ARHGEF28: variants seen among roughly 807,000 people sequenced by gnomAD.
ARHGEF28 encodes 190 kDa guanine nucleotide exchange factor.
ARHGEF28 carries 152 observed loss-of-function variants against 206.6 expected under a neutral mutation model. That is an observed-to-expected ratio of 0.74 (90% CI 0.64 to 0.84). The LOEUF (loss-of-function observed/expected upper bound fraction) is 0.84. Ranked by LOEUF, ARHGEF28 falls within the 40% of genes least tolerant of loss-of-function variation. ARHGEF28 has a pLI of 0.00. For missense variants in ARHGEF28, 2,028 were observed against 2,073.2 expected, an observed-to-expected ratio of 0.98 and a Z score of 0.42; for synonymous variants, 763 against 776.4, an observed-to-expected ratio of 0.98 and a Z score of 0.29.
Position 73,777,222 on chromosome 5 carries a change from G to C in ARHGEF28, c.840+526G>C, listed in dbSNP as rs1372996938. 4.0e-5 allele frequency among the ~76,000 whole-genome samples: 6 copies of C among 151,824 alleles called. No homozygotes were observed. In the East Asian group the frequency reaches 1.2e-3, roughly 29 times the overall value. On this transcript the variant is annotated intron_variant, in intron 6 of 35. Transcript: ENST00000513042. ...TGCTATCATAGCATGCCAGTCTCAG[G>C]GTTTAAAACATTTCAACTTTATCTC... is the stretch of plus-strand genomic sequence containing the variant.
intron 9 of ARHGEF28, among the ~76,000 whole-genome samples, chr5:73,795,875 G>A (rs921735203): frequency 9.8e-5 from 15 of 152,322 alleles, no homozygotes; most frequent in Non-Finnish European, 1.9e-4. Context: ...CTGAGCTCAG[G>A]AAAAGACCAG....
At chr5:73,831,873 T>A (rs1195758051) in intron 9 of ARHGEF28, among the ~76,000 whole-genome samples, 1 of 152,154 alleles carries the variant, frequency 6.6e-6, no homozygotes, top group African/African-American at 2.4e-5. Flanking sequence ...GTATTTTTAG[T>A]AGAGATGGGG....
intron 35 of ARHGEF28, among the ~76,000 whole-genome samples, chr5:73,938,704 T>C (rs973600723): frequency 2.6e-5 from 4 of 152,158 alleles, no homozygotes; most frequent in Admixed American, 2.0e-4. Context: ...ATAGCTTCAG[T>C]CTATGGCTGG....
intron 9 of ARHGEF28, among the ~76,000 whole-genome samples, chr5:73,797,212 T>C (rs1296458748): frequency 6.6e-6 from 1 of 152,204 alleles, no homozygotes; most frequent in Non-Finnish European, 1.5e-5. Flanking sequence ...TCTTTTTGGT[T>C]CATTTAAACT....
At chr5:73,646,525 A>T (rs936200983) in intron 1 of ARHGEF28, among the ~76,000 whole-genome samples, 1 of 152,146 alleles carries the variant, frequency 6.6e-6, no homozygotes, top group Non-Finnish European at 1.5e-5. Context: ...CTCCAAGCTC[A>T]TGCTCCTGTC....
At chr5:73,878,951 C>A (rs1482691321) in intron 22 of ARHGEF28, among the ~76,000 whole-genome samples, 1 of 152,022 alleles carries the variant, frequency 6.6e-6, no homozygotes, top group Non-Finnish European at 1.5e-5. Context: ...CTCTGTATTT[C>A]CTGAATCTCA....
At chr5:73,758,330 ACACT>A (rs1752422183) in intron 4 of ARHGEF28, among the ~76,000 whole-genome samples, 1 of 152,246 alleles carries the variant, frequency 6.6e-6, no homozygotes, top group Non-Finnish European at 1.5e-5. Flanking sequence ...ACATATGTTT[ACACT>A]TACAAACTAA....
At chr5:73,836,373 T>C (rs1757639584) in intron 10 of ARHGEF28, among the ~76,000 whole-genome samples, 2 of 151,440 alleles carry the variant, frequency 1.3e-5, no homozygotes, top group Non-Finnish European at 2.9e-5. Context: ...CTCATTGTAG[T>C]TTTGTTCATT....
At chr5:73,862,599 A>G (rs1403237523) in intron 16 of ARHGEF28, among the ~76,000 whole-genome samples, 1 of 152,162 alleles carries the variant, frequency 6.6e-6, no homozygotes, top group Non-Finnish European at 1.5e-5. Flanking sequence ...TTTAATGTCA[A>G]CTAATAGTAG....
At chr5:73,651,335 G>A (rs1026553940) in intron 1 of ARHGEF28, among the ~76,000 whole-genome samples, 1 of 152,156 alleles carries the variant, frequency 6.6e-6, no homozygotes, top group African/African-American at 2.4e-5. Context: ...ATGGATTGTT[G>A]TGCAGAATAC....
At chr5:73,649,019 G>T (rs1427194815) in intron 1 of ARHGEF28, among the ~76,000 whole-genome samples, 1 of 152,188 alleles carries the variant, frequency 6.6e-6, no homozygotes, top group East Asian at 1.9e-4. Context: ...GTGTGTATGT[G>T]CCAGGTTCTT....
chr5:73,936,847 C>T (rs558498203), intron 35 of ARHGEF28, among the ~76,000 whole-genome samples: 67 of 152,256 alleles, frequency 4.4e-4, no homozygotes, highest in African/African-American at 1.5e-3. Context: ...AGATTACAGG[C>T]GTGAACTACC....
chr5:73,819,465 G>A (rs1199245802), intron 9 of ARHGEF28, among the ~76,000 whole-genome samples: 2 of 152,220 alleles, frequency 1.3e-5, no homozygotes, highest in Non-Finnish European at 2.9e-5. Context: ...TTTAAGCATA[G>A]CCAATCGGAA....
rs539896676 is a variant in ARHGEF28, at chr5:73,669,140, A to G, written c.-11-15701A>G. Among the ~76,000 whole-genome samples the G allele has an allele frequency of 3.2e-4, 48 of 152,336 alleles. No individual in the cohort carries two copies. In the East Asian group the frequency reaches 8.5e-3, roughly 27 times the overall value. ...GTGTGAATTTTTTAATATATTTTAA[A>G]AATTCCAATTCATTCTTAAAGGATA... On this transcript the variant is annotated intron_variant, in intron 1 of 35. Coordinates refer to ENST00000513042, the MANE Select transcript of ARHGEF28 (RefSeq NM_001177693.2).
chr5:73,630,135 A>G (rs1320649571), intron 1 of ARHGEF28, among the ~76,000 whole-genome samples: 2 of 152,252 alleles, frequency 1.3e-5, no homozygotes, highest in African/African-American at 4.8e-5. Context: ...TCAAATATAT[A>G]TAATAGACAT....
intron 22 of ARHGEF28, among the ~76,000 whole-genome samples, chr5:73,876,664 A>G (rs1760512565): frequency 6.6e-6 from 1 of 150,682 alleles, no homozygotes. Context: ...CCTTTTCTGC[A>G]TCTATTGAGA....
chr5:73,868,483 C>T (rs549942222), intron 20 of ARHGEF28, among the ~76,000 whole-genome samples: 10 of 151,922 alleles, frequency 6.6e-5, no homozygotes, highest in South Asian at 2.1e-4. Context: ...ACAAGCATAA[C>T]GAAGAGAAAT....
At chr5:73,840,330 G>T (rs1757907268) in intron 10 of ARHGEF28, 150 bp from the exon 11 acceptor site, 1 of 697,328 alleles carries the variant, frequency 1.4e-6, no homozygotes, top group Admixed American at 2.9e-5. Flanking sequence ...GGCCAGGCTA[G>T]TCTTGAACTC....
Position 73,941,589 on chromosome 5 carries a change from A to T in ARHGEF28, c.*576A>T, listed in dbSNP as rs146338920. ...TCACTGAGCCAGGGATACAGTCCGG[A>T]CTTGCTTAGTACCTAAGCCTAATGC... On this transcript the variant is annotated 3_prime_UTR_variant, in exon 36 of 36. Coordinates refer to ENST00000513042, the MANE Select transcript of ARHGEF28 (RefSeq NM_001177693.2). 6.5e-3 allele frequency: 991 copies of T among 152,520 alleles called. 5 individuals are homozygous for T. Among genetic ancestry groups the T allele is most frequent in the Non-Finnish European group, 8.1e-3 (549 of 68,194 alleles). The allele number at this position is 152,520 out of a possible 1,614,324, so 9.4% of individuals were successfully genotyped here. A position where few individuals can be genotyped will look rare whatever the true frequency, so the allele number is the denominator to read the frequency against.
Sources: gnomAD v4.1 joint callset for allele counts (sites outside exome capture counted in the v4.1 genomes callset) on GRCh38, gnomAD v4.1.1 for gene constraint, MANE v1.5 for transcripts, NCBI Gene and HGNC (gene_info 2026-07-23, HGNC 2026-07-21) for gene names.